WDR91: variants seen among roughly 807,000 people sequenced by gnomAD.
WDR91 encodes the protein WD repeat-containing protein 91.
In WDR91, 52 loss-of-function variants were observed where a neutral mutation model predicts 88.4. That is an observed-to-expected ratio of 0.59 (90% CI 0.47 to 0.74). WDR91 has a LOEUF of 0.74. Ranked by LOEUF, WDR91 falls within the 30% of genes least tolerant of loss-of-function variation. The pLI is 0.00. For missense variants in WDR91, 824 were observed against 954.5 expected (o/e 0.86, Z 1.80); for synonymous variants, 362 against 389.5 (o/e 0.93, Z 0.83).
rs1405612537 is a variant in WDR91 at position 135,196,687 on chromosome 7, A to G, written c.1051-350T>C. Among the ~76,000 whole-genome samples the G allele has an allele frequency of 1.3e-5, 2 of 152,144 alleles. No individual in the cohort carries two copies. The highest frequency in any genetic ancestry group is 1.9e-4 in the East Asian group (1 of 5,194). Reference sequence around the variant, plus strand: ...GTGCAGGCCACACACCGCGCTGAGTATTTTACAGATTTCTCTCATTTAGTC... The same window carrying G: ...GTGCAGGCCACACACCGCGCTGAGTGTTTTACAGATTTCTCTCATTTAGTC... On this transcript the variant is annotated intron_variant, in intron 7 of 14. Transcript: ENST00000354475. This position sits in a 1 kb window ranked among gnomAD's most constrained non-coding sequence, Gnocchi z 4.2.
At chr7:135,197,858 AGCCATTG>A in intron 7 of WDR91, 128 bp downstream of exon 7, 1 of 1,111,206 alleles carries the variant, frequency 9.0e-7, no homozygotes. Flanking sequence ...CCAAAATACA[AGCCATTG>A]AAACCAATTA....
Position 135,189,466 on chromosome 7 carries a change from A to G in WDR91, c.1660-14T>C, listed in dbSNP as rs1273763052. 4 of 1,609,090 alleles carry G rather than the reference A, an allele frequency of 2.5e-6. No homozygotes were observed. The Admixed American group carries it at 5.0e-5, about 20-fold the overall frequency. ...GGAGAACTGGAGCTATTGAAATAAA[A>G]CAAAAATGTCAGTAGCAGATCTTCA... On this transcript the variant is annotated splice_polypyrimidine_tract_variant and intron_variant, in intron 11 of 14. Coordinates refer to ENST00000354475, the MANE Select transcript of WDR91 (RefSeq NM_014149.4).
In WDR91 at chr7:135,193,410, CA is replaced by C; in HGVS notation, c.1491-12del. The stretch of plus-strand genomic sequence containing the variant: ...GCAAGAGACAGGATTCTGCAACACA[CA>C]TGGGCCTGGGTCAGACCCTCTGCCT... On this transcript the variant is annotated splice_polypyrimidine_tract_variant and intron_variant, in intron 10 of 14. Transcript: ENST00000354475. 6.2e-7 allele frequency: 1 copy of C among 1,613,872 alleles called. No individual in the cohort carries two copies. Among genetic ancestry groups the C allele is most frequent in the Non-Finnish European group, 8.5e-7 (1 of 1,179,842 alleles).
At position 135,208,975 on chromosome 7, in the gene WDR91, C is replaced by T. The variant is rs201498871; in HGVS notation, c.327G>A (p.Gln109=). 15 of 1,614,092 alleles carry T rather than the reference C, an allele frequency of 9.3e-6. No homozygotes were observed. In the Admixed American group the frequency reaches 1.3e-4, roughly 14 times the overall value. ...TIQTNRNDKA[Q]EFFAKQATEL... is the part of the protein sequence containing the mutation. ...CCGTGGCCTGCTTTGCAAAGAACTC[C>T]TGAGCCTTGTCATTTCTGTTTGTCT... Residue 109 remains glutamine, a synonymous_variant, in exon 3 of 15, where the codon CAG becomes CAA. Transcript: ENST00000354475.
At chr7:135,207,039 A>G in intron 4 of WDR91, 81 bp downstream of exon 4, 1 of 1,156,720 alleles carries the variant, frequency 8.6e-7, no homozygotes, top group Non-Finnish European at 1.2e-6. Flanking sequence ...CCTGATTAAT[A>G]TAGTGTTCCA....
intron 11 of WDR91, among the ~76,000 whole-genome samples, chr7:135,191,686 A>G (rs1228616523): frequency 6.6e-6 from 1 of 151,926 alleles, no homozygotes; most frequent in East Asian, 1.9e-4. Flanking sequence ...AAAGACCAAG[A>G]CTGGGAAGGG....
chr7:135,211,089 C>A (rs934797510), intron 1 of WDR91, among the ~76,000 whole-genome samples: 2 of 152,212 alleles, frequency 1.3e-5, no homozygotes, highest in Non-Finnish European at 2.9e-5. Flanking sequence ...AACCTCATCG[C>A]CATCCTGGCC....
chr7:135,193,517 G>C (rs1001787704), intron 10 of WDR91, 61 bp downstream of exon 10: 7 of 1,611,590 alleles, frequency 4.3e-6, no homozygotes, highest in Non-Finnish European at 5.9e-6. Flanking sequence ...GAAAGGACCA[G>C]CCCCGCGGAC....
At position 135,188,459 on chromosome 7, in the gene WDR91, C is replaced by T; in HGVS notation, c.1855G>A (p.Val619Met). Residue 619 changes from valine (V) to methionine (M), a missense_variant, in exon 13 of 15, where the codon GTG becomes ATG. Physicochemically the swap from Val to Met is conservative, Grantham distance 21. Coordinates refer to ENST00000354475, the MANE Select transcript of WDR91 (RefSeq NM_014149.4). ...TTCCCGTCCTCGCCGATGCTGTACA[C>T]GGTGTTCTCATCATAGCTGAACTCC... ...SVEFSYDENT[V>M]YSIGEDGKFI... 4 of 1,614,092 alleles carry T rather than the reference C, an allele frequency of 2.5e-6. No individual in the cohort carries two copies. Among genetic ancestry groups the T allele is most frequent in the Non-Finnish European group, 3.4e-6 (4 of 1,179,978 alleles).
chr7:135,205,655 G>C (rs1403527262), intron 5 of WDR91, among the ~76,000 whole-genome samples: 2 of 152,250 alleles, frequency 1.3e-5, no homozygotes, highest in Non-Finnish European at 2.9e-5. Context: ...AGCTACTTGG[G>C]AGGCTGAGGC....
intron 9 of WDR91, among the ~76,000 whole-genome samples, chr7:135,194,539 G>C (rs1465535719): frequency 6.6e-6 from 1 of 152,194 alleles, no homozygotes; most frequent in Non-Finnish European, 1.5e-5. Context: ...AAGACCCATG[G>C]GAACCACAAA....
At chr7:135,188,874 G>T (rs1831053422) in intron 12 of WDR91, among the ~76,000 whole-genome samples, 1 of 152,188 alleles carries the variant, frequency 6.6e-6, no homozygotes, top group African/African-American at 2.4e-5. Context: ...ATCCCCTAAA[G>T]ATACAGTTGC....
At chr7:135,207,074 A>C in intron 4 of WDR91, 46 bp downstream of exon 4, 2 of 1,542,296 alleles carry the variant, frequency 1.3e-6, no homozygotes, top group Non-Finnish European at 8.9e-7. Flanking sequence ...TTTCACACAC[A>C]AAAAGCAGAA....
rs748530511 is a variant in WDR91 at position 135,204,396 on chromosome 7, G to A, written c.763C>T (p.Gln255Ter). Residue 255 changes from glutamine (Q) to a stop codon, truncating the protein, a stop_gained, in exon 6 of 15, where the codon CAG (glutamine) becomes TAG (stop). Coordinates refer to ENST00000354475, the MANE Select transcript of WDR91 (RefSeq NM_014149.4). LOFTEE classifies it high-confidence loss of function. ...VCSQRNASLS[Q>*]SPRVGFLSSL... ...GACAGGAAGCCCACACGAGGTGACT[G>A]GGAGAGGGAGGCATTCCTTTGGCTG... is the stretch of plus-strand genomic sequence containing the variant. The A allele has an allele frequency of 6.2e-7, 1 of 1,614,206 alleles. No individual in the cohort carries two copies. The highest frequency in any genetic ancestry group is 2.2e-5 in the East Asian group (1 of 44,876).
intron 4 of WDR91, among the ~76,000 whole-genome samples, chr7:135,206,623 C>T (rs979062525): frequency 6.6e-6 from 1 of 151,988 alleles, no homozygotes; most frequent in South Asian, 2.1e-4. Flanking sequence ...AAATGTGGGT[C>T]CCCTGGCTCT....
At chr7:135,190,610 CAAAAT>C (rs1023424642) in intron 11 of WDR91, among the ~76,000 whole-genome samples, 1 of 150,614 alleles carries the variant, frequency 6.6e-6, no homozygotes, top group Non-Finnish European at 1.5e-5. Flanking sequence ...AATTGTTCAA[CAAAAT>C]AAAATAAGGA....
At chr7:135,186,735 G>A (rs1359440788) in intron 14 of WDR91, among the ~76,000 whole-genome samples, 1 of 152,236 alleles carries the variant, frequency 6.6e-6, no homozygotes, top group Non-Finnish European at 1.5e-5. Context: ...TCCTGCCGGG[G>A]GGCCAGCCTG....
chr7:135,207,719 C>T (rs1222409261), intron 3 of WDR91, among the ~76,000 whole-genome samples: 1 of 152,228 alleles, frequency 6.6e-6, no homozygotes, highest in Non-Finnish European at 1.5e-5. Flanking sequence ...GTGGCCACCC[C>T]AAGAACAACG....
chr7:135,193,207 G>A (rs759256676), intron 11 of WDR91, 24 bp downstream of exon 11: 2 of 1,610,784 alleles, frequency 1.2e-6, no homozygotes, highest in Non-Finnish European at 8.5e-7. Context: ...TGGCCCCAGA[G>A]AGAGCCACAG....
Sources: allele counts gnomAD v4.1 joint callset (sites outside exome capture counted in the v4.1 genomes callset), GRCh38; gene constraint gnomAD v4.1.1; non-coding constraint Gnocchi (gnomAD v3.1); transcripts MANE v1.5; gene names NCBI Gene and HGNC (gene_info 2026-07-23, HGNC 2026-07-21).